The following PRX variants were observed in gnomAD, a reference collection of about 807,000 sequenced individuals.
The protein encoded by PRX is periaxin.
PRX carries 24 observed loss-of-function variants against 29.6 expected under a neutral mutation model. The observed-to-expected ratio is 0.81, with a 90% CI of 0.59 to 1.14. The LOEUF (loss-of-function observed/expected upper bound fraction) is 1.14, where lower values mean the gene tolerates loss of function less well. Ranked by LOEUF, PRX falls within the 50% of genes most tolerant of loss-of-function variation. The pLI is 0.00. For synonymous variants in PRX, 772 were observed against 831.7 expected (o/e 0.93, Z 1.24); for missense variants, 1,838 against 1,926.4 (o/e 0.95, Z 0.86).
intron 5 of PRX, among the ~76,000 whole-genome samples, chr19:40,400,174 G>GT (rs1401435402): frequency 5.3e-5 from 8 of 150,302 alleles, no homozygotes; most frequent in Admixed American, 4.6e-4. Context: ...TAGAGACGGG[G>GT]TTTCTCCATG....
Position 40,395,807 on chromosome 19 carries a change from C to T in PRX, c.2545G>A (p.Val849Ile). 1 of 1,614,184 alleles carries T rather than the reference C, an allele frequency of 6.2e-7. No homozygotes were observed. Among genetic ancestry groups the T allele is most frequent in the East Asian group, 2.2e-5 (1 of 44,872 alleles). ...ACTGAAGGCAGAGTGAGAGAGGGGA[C>T]ACCCACATGAGCCTCACCATCCACC... is the stretch of plus-strand genomic sequence containing the variant. ...PEVDGEAHVG[V>I]PSLTLPSVEL... is the part of the protein sequence containing the mutation. The change falls in exon 7 of 7, where the codon GTC becomes ATC. Residue 849 changes from valine to isoleucine, a missense_variant. Physicochemically the swap from Val to Ile is conservative, Grantham distance 29. Around this residue, in one of 3 missense-constraint regions of PRX, gnomAD observed 1,143 missense variants for 1,193.0 expected, o/e 0.96. Transcript: ENST00000324001.
At chr19:40,399,031 C>T (rs1226247639) in intron 5 of PRX, among the ~76,000 whole-genome samples, 1 of 152,126 alleles carries the variant, frequency 6.6e-6, no homozygotes, top group East Asian at 1.9e-4. Flanking sequence ...CCACTCAGGC[C>T]ACGCCCGCAC....
chr19:40,402,930 G>A (rs1045716573), intron 5 of PRX, among the ~76,000 whole-genome samples: 2 of 152,194 alleles, frequency 1.3e-5, no homozygotes, highest in Admixed American at 6.5e-5. Context: ...AGCACTTTGG[G>A]AGACTGAGGC....
chr19:40,397,038 C>T lies in PRX; in HGVS notation c.1314G>A (p.Lys438=). Reference sequence around the variant, plus strand: ...CCTTGGGGAGCTTCACTTCAGGTCCCTTGGGCACCTTGACCTCGGGCCCTG... The same window carrying T: ...CCTTGGGGAGCTTCACTTCAGGTCCTTTGGGCACCTTGACCTCGGGCCCTG... ...GVSGPEVKVP[K]GPEVKLPKAP... is the part of the protein sequence containing the mutation. The change falls in exon 7 of 7, where the codon AAG becomes AAA. Residue 438 remains lysine, a synonymous_variant. Transcript: ENST00000324001. 2 of 1,614,094 alleles carry T rather than the reference C, an allele frequency of 1.2e-6. No individual in the cohort carries two copies. Among genetic ancestry groups the T allele is most frequent in the Non-Finnish European group, 1.7e-6 (2 of 1,180,024 alleles).
intron 2 of PRX, 28 bp from the exon 3 acceptor site, chr19:40,408,284 C>A: frequency 2.1e-6 from 1 of 468,296 alleles, no homozygotes; most frequent in Non-Finnish European, 3.9e-6. Flanking sequence ...GGATGTGAAG[C>A]TCCAGGCAGG....
At chr19:40,413,232 C>T (rs1267179410) in intron 1 of PRX, 106 bp downstream of exon 1, 2 of 152,768 alleles carry the variant, frequency 1.3e-5, no homozygotes, top group East Asian at 1.9e-4. Context: ...CACCACACGG[C>T]TTCCTGAGCC....
Position 40,396,373 on chromosome 19 carries a change from G to A in PRX, c.1979C>T (p.Pro660Leu), listed in dbSNP as rs748737580. The A allele has an allele frequency of 1.6e-5, 26 of 1,612,920 alleles. No individual in the cohort carries two copies. The highest frequency in any genetic ancestry group is 1.9e-5 in the Non-Finnish European group (23 of 1,179,796). Residue 660 changes from proline to leucine, a missense_variant, in exon 7 of 7, where the codon CCG becomes CTG. Pro to Leu is a moderately conservative substitution (Grantham distance 98). Transcript: ENST00000324001. ...AGGGAGTTTCATCTCTGGGACTTTC[G>A]GGAGCTGCACTTCCGGGAGGTGCAC... ...PDVHLPEVQL[P>L]KVPEMKLPKM...
chr19:40,398,437 G>T lies in PRX; in HGVS notation c.381+183C>A. On this transcript the variant is annotated intron_variant, in intron 6 of 6. Coordinates refer to ENST00000324001, the MANE Select transcript of PRX (RefSeq NM_181882.3). This position sits in a 1 kb window ranked among gnomAD's most constrained non-coding sequence, Gnocchi z 6.3. The stretch of plus-strand genomic sequence containing the variant: ...TGGGTGAGGGCCCTGGGCTGGGGTG[G>T]GTCTGTCCCCCTTCCCGGGGAAGAG... The T allele has an allele frequency of 6.6e-7, 1 of 1,510,030 alleles. No individual in the cohort carries two copies. The highest frequency in any genetic ancestry group is 8.8e-7 in the Non-Finnish European group (1 of 1,135,090). 93.5% of individuals were successfully genotyped at this position (1,510,030 alleles called of 1,614,324 possible). A position where few individuals can be genotyped will look rare whatever the true frequency, so the allele number is the denominator to read the frequency against.
Position 40,396,271 on chromosome 19 carries a change from G to GGGA in PRX, c.2078_2080dup (p.Leu693dup). 6.2e-7 allele frequency: 1 copy of GGGA among 1,613,660 alleles called. No homozygotes were observed. Among genetic ancestry groups the GGGA allele is most frequent in the Non-Finnish European group, 8.5e-7 (1 of 1,179,914 alleles). ...GGGCACGGCCATTTCAGGCACCTTGGGGAGTTTCATCTCTGAGACTTTTGG... is the reference window on the plus strand; with the variant it reads ...GGGCACGGCCATTTCAGGCACCTTGGGGAGGAGTTTCATCTCTGAGACTTTTGG... On this transcript the variant is annotated inframe_insertion, in exon 7 of 7. Coordinates refer to ENST00000324001, the MANE Select transcript of PRX (RefSeq NM_181882.3).
chr19:40,402,974 A>G (rs2079506841), intron 5 of PRX, among the ~76,000 whole-genome samples: 1 of 151,990 alleles, frequency 6.6e-6, no homozygotes, highest in African/African-American at 2.4e-5. Context: ...GTTCGATACC[A>G]GCCTGGCCAA....
In PRX at chr19:40,394,883, G is replaced by A; in HGVS notation, c.3469C>T (p.Leu1157=). 6.2e-7 allele frequency: 1 copy of A among 1,611,396 alleles called. No homozygotes were observed. The highest frequency in any genetic ancestry group is 8.5e-7 in the Non-Finnish European group (1 of 1,179,968). The change falls in exon 7 of 7, where the codon CTG becomes TTG. Residue 1157 remains leucine (L), a synonymous_variant. Transcript: ENST00000324001. The surrounding 1 kb of genome is among the most constrained non-coding windows in gnomAD (Gnocchi z 5.8). ...PLGISLPQVE[L]TGFGEAGTPG... Reference sequence around the variant, plus strand: ...GTACCTGCCTCCCCAAAGCCGGTCAGCTCCACCTGTGGCAGGGAGATGCCC... The same window carrying A: ...GTACCTGCCTCCCCAAAGCCGGTCAACTCCACCTGTGGCAGGGAGATGCCC...
chr19:40,394,353 C>T lies in PRX; in HGVS notation c.3999G>A (p.Leu1333=). The part of the protein sequence containing the change: ...GEKAKSPKLR[L]PRVGFSQSEM... Reference sequence around the variant, plus strand: ...CACTTTGGCTGAAGCCCACTCGGGGCAGCCTGAGTTTGGGGCTCTTGGCCT... The same window carrying T: ...CACTTTGGCTGAAGCCCACTCGGGGTAGCCTGAGTTTGGGGCTCTTGGCCT... Residue 1333 remains leucine, a synonymous_variant, in exon 7 of 7, where the codon CTG becomes CTA. Coordinates refer to ENST00000324001, the MANE Select transcript of PRX (RefSeq NM_181882.3). The surrounding 1 kb of genome is among the most constrained non-coding windows in gnomAD (Gnocchi z 5.8). 1 of 1,605,452 alleles carries T rather than the reference C, an allele frequency of 6.2e-7. No individual in the cohort carries two copies. The highest frequency in any genetic ancestry group is 8.5e-7 in the Non-Finnish European group (1 of 1,175,770).
At chr19:40,403,165 C>T (rs900965256) in intron 5 of PRX, among the ~76,000 whole-genome samples, 2 of 152,108 alleles carry the variant, frequency 1.3e-5, no homozygotes, top group Non-Finnish European at 2.9e-5. Flanking sequence ...AGAGAAACTC[C>T]GTATCAAAAT....
At position 40,396,288 on chromosome 19, in the gene PRX, G is replaced by A; in HGVS notation, c.2064C>T (p.Val688=). Residue 688 remains valine (V), a synonymous_variant, in exon 7 of 7, where the codon GTC becomes GTT. Coordinates refer to ENST00000324001, the MANE Select transcript of PRX (RefSeq NM_181882.3). The part of the protein sequence containing the change: ...VRLPEVQLPK[V]SEMKLPKVPE... Reference sequence around the variant, plus strand: ...GCACCTTGGGGAGTTTCATCTCTGAGACTTTTGGCAGCTGCACCTCGGGGA... The same window carrying A: ...GCACCTTGGGGAGTTTCATCTCTGAAACTTTTGGCAGCTGCACCTCGGGGA... The A allele has an allele frequency of 1.2e-6, 2 of 1,611,012 alleles. No homozygotes were observed. Among genetic ancestry groups the A allele is most frequent in the South Asian group, 1.1e-5 (1 of 90,942 alleles).
At chr19:40,409,318 T>C (rs1207165829) in intron 1 of PRX, among the ~76,000 whole-genome samples, 4 of 151,996 alleles carry the variant, frequency 2.6e-5, no homozygotes, top group Admixed American at 2.6e-4. Flanking sequence ...TCACAGCTCC[T>C]CTCTGTGCTT....
At position 40,397,175 on chromosome 19, in the gene PRX, T is replaced by C. The variant is rs2145731286; in HGVS notation, c.1177A>G (p.Met393Val). ...EARVKGPRLR[M>V]PTFGLSLLEP... The stretch of plus-strand genomic sequence containing the variant: ...AAGAGGGAAAGCCCAAAGGTGGGCA[T>C]TCGAAGTCTGGGACCTTTCACCCTG... The change falls in exon 7 of 7, where the codon ATG (methionine) becomes GTG (valine). Residue 393 changes from methionine (M) to valine (V), a missense_variant. Met to Val is a conservative substitution (Grantham distance 21). This residue lies in a region of PRX where 666 missense variants were observed against 665.0 expected (regional missense o/e 1.00). Coordinates refer to ENST00000324001, the MANE Select transcript of PRX (RefSeq NM_181882.3). 1 of 1,613,682 alleles carries C rather than the reference T, an allele frequency of 6.2e-7. No homozygotes were observed. The highest frequency in any genetic ancestry group is 8.5e-7 in the Non-Finnish European group (1 of 1,179,918).
chr19:40,403,725 C>A lies in PRX; in HGVS notation c.165G>T (p.Arg55Ser). ...GCCCACCTTCCTGCAGGCTGAGGCT[C>A]CTGGCGGCGGGTGAGTCCTCGCGCA... ...RELREDSPAA[R>S]SLSLQEGDQL... is the part of the protein sequence containing the mutation. The change falls in exon 5 of 7, where the codon AGG becomes AGT. Residue 55 changes from arginine to serine, a missense_variant. Around this residue, in one of 3 missense-constraint regions of PRX, gnomAD observed 666 missense variants for 665.0 expected, o/e 1.00. Transcript: ENST00000324001. The A allele has an allele frequency of 5.1e-6, 8 of 1,564,744 alleles. No individual in the cohort carries two copies. Among genetic ancestry groups the A allele is most frequent in the Non-Finnish European group, 6.9e-6 (8 of 1,155,518 alleles).
chr19:40,394,781 TCACCTGGGG>T lies in PRX; in HGVS notation c.3562_3570del (p.Pro1188_Val1190del). 6.2e-7 allele frequency: 1 copy of T among 1,613,566 alleles called. No homozygotes were observed. The highest frequency in any genetic ancestry group is 1.3e-5 in the African/African-American group (1 of 75,012). On this transcript the variant is annotated inframe_deletion, in exon 7 of 7. Transcript: ENST00000324001. The surrounding 1 kb of genome is among the most constrained non-coding windows in gnomAD (Gnocchi z 5.8). ...ACCTGGGCTCCAGGCAGAGACAGGG[TCACCTGGGG>T]CACCTGAACCCTGTAGCCTGCTGTG...
At chr19:40,400,680 C>T (rs1286820303) in intron 5 of PRX, among the ~76,000 whole-genome samples, 1 of 150,166 alleles carries the variant, frequency 6.7e-6, no homozygotes, top group African/African-American at 2.5e-5. Context: ...TCACTGCAGC[C>T]TTGAACTTCC....
Sources: gnomAD v4.1 joint callset for allele counts (sites outside exome capture counted in the v4.1 genomes callset) on GRCh38, gnomAD v4.1.1 for gene constraint, gnomAD v4.1.1 regional missense constraint, Gnocchi (gnomAD v3.1) non-coding constraint, MANE v1.5 for transcripts, NCBI Gene and HGNC (gene_info 2026-07-23, HGNC 2026-07-21) for gene names.